The following FANCL variants were observed in gnomAD, a reference collection of about 807,000 sequenced individuals.
FANCL encodes E3 ubiquitin-protein ligase FANCL.
Under a neutral mutation model 59.4 loss-of-function variants are expected in FANCL, and 69 were observed. The observed-to-expected ratio is 1.16, with a 90% CI of 0.96 to 1.42. The LOEUF is 1.42. FANCL is among the 40% of genes most tolerant of loss of function. FANCL has a pLI of 0.00. For synonymous variants in FANCL, 180 were observed against 147.1 expected (o/e 1.22, Z -1.62); for missense variants, 519 against 447.2 (o/e 1.16, Z -1.45).
intron 5 of FANCL, among the ~76,000 whole-genome samples, chr2:58,211,810 T>C (rs1471989978): frequency 6.6e-6 from 1 of 152,192 alleles, no homozygotes; most frequent in African/African-American, 2.4e-5. Flanking sequence ...GAGTAACCTT[T>C]GCTCCAGTTC....
At chr2:58,221,559 A>G (rs1249856184) in intron 5 of FANCL, among the ~76,000 whole-genome samples, 1 of 152,194 alleles carries the variant, frequency 6.6e-6, no homozygotes, top group Non-Finnish European at 1.5e-5. Flanking sequence ...TAGACATGCC[A>G]AATTGTATAT....
At chr2:58,227,801 G>T (rs1303077806) in intron 3 of FANCL, among the ~76,000 whole-genome samples, 1 of 152,060 alleles carries the variant, frequency 6.6e-6, no homozygotes, top group Non-Finnish European at 1.5e-5. Context: ...CCCTCACCAG[G>T]GACCCATCTT....
chr2:58,206,622 CTTTG>C (rs1468124984), intron 5 of FANCL, among the ~76,000 whole-genome samples: 2 of 152,092 alleles, frequency 1.3e-5, no homozygotes, highest in Non-Finnish European at 2.9e-5. Context: ...CTCTTTAGTT[CTTTG>C]TTTGTAATCA....
At chr2:58,226,980 C>G (rs181472674) in intron 3 of FANCL, among the ~76,000 whole-genome samples, 196 bp from the exon 4 acceptor site, 46 of 152,268 alleles carry the variant, frequency 3.0e-4, no homozygotes, top group Non-Finnish European at 5.7e-4. Context: ...AATTAATGTC[C>G]TCAAATCTAA....
chr2:58,205,207 A>G (rs1368047735), intron 5 of FANCL, among the ~76,000 whole-genome samples: 1 of 152,094 alleles, frequency 6.6e-6, no homozygotes, highest in East Asian at 1.9e-4. Flanking sequence ...CTGACCAGGT[A>G]CTATATAATG....
chr2:58,174,989 G>A (rs1687131368), intron 7 of FANCL, among the ~76,000 whole-genome samples: 2 of 152,210 alleles, frequency 1.3e-5, no homozygotes, highest in South Asian at 4.1e-4. Flanking sequence ...ACTACCATCA[G>A]AGAATACTAT....
intron 3 of FANCL, 81 bp downstream of exon 3, chr2:58,229,733 G>A (rs1280894760): frequency 9.7e-7 from 1 of 1,026,622 alleles, no homozygotes; most frequent in Non-Finnish European, 1.5e-6. Context: ...ACAACATTGT[G>A]CAAAGCAGGT....
chr2:58,162,505 T>C (rs1685343079), intron 11 of FANCL, among the ~76,000 whole-genome samples: 1 of 151,952 alleles, frequency 6.6e-6, no homozygotes, highest in African/African-American at 2.4e-5. Context: ...AGATTTTTTT[T>C]TTAACCAAAT....
Position 58,198,757 on chromosome 2 carries a change from C to T in FANCL, c.472-95G>A, listed in dbSNP as rs184994056. On this transcript the variant is annotated intron_variant, in intron 6 of 13. Coordinates refer to ENST00000233741, the MANE Select transcript of FANCL (RefSeq NM_018062.4). ...AACTAGATGTATTAGGGGCCGGGCG[C>T]GGTGGCTCACGCCTGTAATCCCAGC... 9.4e-3 allele frequency: 8,542 copies of T among 910,432 alleles called. 85 individuals carry two copies. The highest frequency in any genetic ancestry group is 0.051 in the Middle Eastern group (164 of 3,194). 56.4% of individuals were successfully genotyped at this position (910,432 alleles called of 1,614,324 possible).
chr2:58,219,991 G>A (rs1480982573), intron 5 of FANCL, among the ~76,000 whole-genome samples: 1 of 151,642 alleles, frequency 6.6e-6, no homozygotes, highest in Non-Finnish European at 1.5e-5. Context: ...GCATCCTCAA[G>A]AGCAATTATA....
At chr2:58,163,576 A>T in intron 8 of FANCL, 59 bp from the exon 9 acceptor site, 1 of 1,082,758 alleles carries the variant, frequency 9.2e-7, no homozygotes, top group Non-Finnish European at 1.4e-6. Flanking sequence ...ACAACCCAAT[A>T]AAAAATAAAG....
At chr2:58,177,862 A>G (rs1687512179) in intron 7 of FANCL, among the ~76,000 whole-genome samples, 1 of 152,008 alleles carries the variant, frequency 6.6e-6, no homozygotes, top group Non-Finnish European at 1.5e-5. Flanking sequence ...AAAGAAGAAA[A>G]GAGAGAAGAA....
At chr2:58,220,868 C>CT (rs1558812217) in intron 5 of FANCL, among the ~76,000 whole-genome samples, 1 of 152,168 alleles carries the variant, frequency 6.6e-6, no homozygotes, top group Non-Finnish European at 1.5e-5. Flanking sequence ...ATAGGGCAAT[C>CT]TAAATGGAAA....
intron 1 of FANCL, 102 bp from the exon 2 acceptor site, chr2:58,232,214 T>TC: frequency 1.0e-6 from 1 of 954,420 alleles, no homozygotes. Flanking sequence ...TCCTTTATTT[T>TC]CTAAAAGGTA....
At chr2:58,192,913 C>T (rs1689075882) in intron 7 of FANCL, among the ~76,000 whole-genome samples, 1 of 151,894 alleles carries the variant, frequency 6.6e-6, no homozygotes, top group Non-Finnish European at 1.5e-5. Flanking sequence ...GCTATGTTCA[C>T]ATATTTGATC....
chr2:58,240,064 A>G (rs1694372145), intron 1 of FANCL, among the ~76,000 whole-genome samples: 1 of 151,792 alleles, frequency 6.6e-6, no homozygotes, highest in Non-Finnish European at 1.5e-5. Context: ...AGATATAGAC[A>G]TACATAACAG....
chr2:58,184,471 C>A (rs1688213545), intron 7 of FANCL, among the ~76,000 whole-genome samples: 1 of 152,044 alleles, frequency 6.6e-6, no homozygotes, highest in Admixed American at 6.6e-5. Context: ...AGCAAAACAA[C>A]TGTACAGCTT....
intron 6 of FANCL, 23 bp from the exon 7 acceptor site, chr2:58,198,685 G>C (rs1378345373): frequency 1.3e-6 from 2 of 1,585,304 alleles, no homozygotes; most frequent in African/African-American, 2.7e-5. Context: ...CATAACATTA[G>C]ACCATTTTTG....
At chr2:58,222,988 A>AT (rs1265177948) in intron 4 of FANCL, among the ~76,000 whole-genome samples, 9 of 148,856 alleles carry the variant, frequency 6.0e-5, no homozygotes, top group Non-Finnish European at 1.3e-4. Context: ...GTTTAATCTT[A>AT]TTTTTTAAGT....
Sources: gnomAD v4.1 joint callset for allele counts (sites outside exome capture counted in the v4.1 genomes callset) on GRCh38, gnomAD v4.1.1 for gene constraint, MANE v1.5 for transcripts, NCBI Gene and HGNC (gene_info 2026-07-23, HGNC 2026-07-21) for gene names.